RNF216: variants seen among roughly 807,000 people sequenced by gnomAD.
The protein encoded by RNF216 is ring finger protein 216.
RNF216 carries 72 observed loss-of-function variants against 110.8 expected under a neutral mutation model. The observed-to-expected ratio is 0.65, with a 90% CI of 0.54 to 0.79. The LOEUF (loss-of-function observed/expected upper bound fraction) is 0.79, where lower values mean the gene tolerates loss of function less well. RNF216 is among the 30% of genes least tolerant of loss of function. The pLI is 0.00. For missense variants in RNF216, 1,342 were observed against 1,141.2 expected (o/e 1.18, Z -2.54); for synonymous variants, 495 against 407.5 (o/e 1.21, Z -2.59).
intron 13 of RNF216, among the ~76,000 whole-genome samples, chr7:5,657,249 GCTCT>G (rs900555630): frequency 3.3e-5 from 5 of 152,228 alleles, no homozygotes; most frequent in African/African-American, 7.2e-5. Context: ...AGAAATTTCA[GCTCT>G]CTGTTCTGTC....
chr7:5,669,009 G>C (rs898505866), intron 13 of RNF216, among the ~76,000 whole-genome samples: 11 of 152,232 alleles, frequency 7.2e-5, no homozygotes, highest in Non-Finnish European at 5.9e-5. Flanking sequence ...AGGAGCATAA[G>C]TGATTTTTAG....
rs1369460975 is a variant in RNF216, at chr7:5,740,981, T to A, written c.1036A>T (p.Lys346Ter). ...GATAAAATAAAACTTACCGTTTCTT[T>A]CACTAGTAGTTCAACGAGCTCTTGA... Reference protein sequence around the residue: ...VDQELVELLVKETEARFPDVA... With the variant: ...VDQELVELLV The change falls in exon 4 of 17, where the codon AAA becomes TAA. Residue 346 changes from lysine (K) to a stop codon, truncating the protein, a stop_gained. Transcript: ENST00000389902. LOFTEE classifies it high-confidence loss of function. 6.3e-7 allele frequency: 1 copy of A among 1,595,044 alleles called. No individual in the cohort carries two copies. Among genetic ancestry groups the A allele is most frequent in the Non-Finnish European group, 8.5e-7 (1 of 1,173,566 alleles).
rs1490562898 is a variant in RNF216 at position 5,716,856 on chromosome 7, G to A, written c.1645-90C>T. ...ATTTATTTCCATAAACATAACTCCAGTATTGCGATCTCTTCAATTACACAG... is the reference window on the plus strand; with the variant it reads ...ATTTATTTCCATAAACATAACTCCAATATTGCGATCTCTTCAATTACACAG... On this transcript the variant is annotated intron_variant, in intron 9 of 16. Transcript: ENST00000389902. 4 of 997,300 alleles carry A rather than the reference G, an allele frequency of 4.0e-6. No homozygotes were observed. In the African/African-American group the frequency reaches 6.4e-5, roughly 16 times the overall value. The allele number at this position is 997,300 out of a possible 1,614,324, so 61.8% of individuals were successfully genotyped here. A position where few individuals can be genotyped will look rare whatever the true frequency, so the allele number is the denominator to read the frequency against.
Position 5,624,792 on chromosome 7 carries a change from T to C in RNF216, c.2383-667A>G, listed in dbSNP as rs1031617547. ...ACACGAACCGAAGAGGCACTGTGAG[T>C]GCAGGCAGATGTGGGAGCTGTGCTG... is the stretch of plus-strand genomic sequence containing the variant. On this transcript the variant is annotated intron_variant, in intron 15 of 16. Coordinates refer to ENST00000389902, the MANE Select transcript of RNF216 (RefSeq NM_207111.4). The surrounding 1 kb of genome is among the most constrained non-coding windows in gnomAD (Gnocchi z 4.4). Among the ~76,000 whole-genome samples, 2 of 152,184 alleles carry C rather than the reference T, an allele frequency of 1.3e-5. No individual in the cohort carries two copies. Among genetic ancestry groups the C allele is most frequent in the African/African-American group, 2.4e-5 (1 of 41,444 alleles).
intron 9 of RNF216, among the ~76,000 whole-genome samples, chr7:5,720,742 A>G (rs1793368340): frequency 6.6e-6 from 1 of 152,218 alleles, no homozygotes; most frequent in Non-Finnish European, 1.5e-5. Context: ...TGCACATTTG[A>G]TACTATATTT....
chr7:5,658,649 T>C (rs1265038168), intron 13 of RNF216, among the ~76,000 whole-genome samples: 1 of 134,606 alleles, frequency 7.4e-6, no homozygotes, highest in Non-Finnish European at 1.6e-5. Flanking sequence ...AGAGAGAGAC[T>C]GTCTCAAAAA....
intron 11 of RNF216, among the ~76,000 whole-genome samples, chr7:5,714,066 G>C (rs1329698644): frequency 1.3e-5 from 2 of 152,120 alleles, no homozygotes; most frequent in African/African-American, 4.8e-5. Context: ...GCAGTGGTGC[G>C]ATCTCAGCTC....
At chr7:5,686,789 G>T (rs779106045) in intron 13 of RNF216, among the ~76,000 whole-genome samples, 2 of 152,194 alleles carry the variant, frequency 1.3e-5, no homozygotes, top group Non-Finnish European at 2.9e-5. Flanking sequence ...TTTTTCCACG[G>T]ACAGGGCGTG....
At chr7:5,770,824 C>G (rs1280185817) in intron 1 of RNF216, among the ~76,000 whole-genome samples, 1 of 151,586 alleles carries the variant, frequency 6.6e-6, no homozygotes, top group Non-Finnish European at 1.5e-5. Flanking sequence ...TTCTTTCCCC[C>G]CGAAACAGTG....
In RNF216 at chr7:5,624,378, T is replaced by C. The variant is rs1326542234; in HGVS notation, c.2383-253A>G. On this transcript the variant is annotated intron_variant, in intron 15 of 16. Transcript: ENST00000389902. This position sits in a 1 kb window ranked among gnomAD's most constrained non-coding sequence, Gnocchi z 4.4. ...GAGGGGTCTGAGCATGGCAGGCAGC[T>C]GCCTGGTGAGGTGGGGGGATGGAGG... Among the ~76,000 whole-genome samples, 1 of 152,210 alleles carries C rather than the reference T, an allele frequency of 6.6e-6. No homozygotes were observed. The highest frequency in any genetic ancestry group is 6.5e-5 in the Admixed American group (1 of 15,278).
At chr7:5,650,482 G>A (rs1330338450) in intron 14 of RNF216, among the ~76,000 whole-genome samples, 1 of 152,154 alleles carries the variant, frequency 6.6e-6, no homozygotes, top group Non-Finnish European at 1.5e-5. Flanking sequence ...TCACAGGGCT[G>A]CATTCCCTCC....
chr7:5,766,491 C>G (rs959242734), intron 1 of RNF216, among the ~76,000 whole-genome samples: 8 of 151,844 alleles, frequency 5.3e-5, no homozygotes, highest in African/African-American at 1.7e-4. Flanking sequence ...GCTGGGCACT[C>G]TGAGAAGAAG....
intron 13 of RNF216, among the ~76,000 whole-genome samples, chr7:5,702,636 G>A (rs993077929): frequency 1.3e-5 from 2 of 152,156 alleles, no homozygotes; most frequent in African/African-American, 4.8e-5. Context: ...TTCAATAGCA[G>A]GTAAGGGAAG....
At chr7:5,704,068 AG>A (rs1792135649) in intron 13 of RNF216, among the ~76,000 whole-genome samples, 1 of 152,202 alleles carries the variant, frequency 6.6e-6, no homozygotes, top group Admixed American at 6.5e-5. Flanking sequence ...AGAACACACA[AG>A]GGAGCTGAGA....
intron 15 of RNF216, among the ~76,000 whole-genome samples, chr7:5,630,566 G>C (rs1418956177): frequency 1.3e-5 from 2 of 152,058 alleles, no homozygotes; most frequent in Non-Finnish European, 2.9e-5. Flanking sequence ...TTCTTATAGA[G>C]ATGGTGGTGG....
chr7:5,775,667 C>A (rs934736386), intron 1 of RNF216, among the ~76,000 whole-genome samples: 4 of 151,962 alleles, frequency 2.6e-5, no homozygotes, highest in African/African-American at 9.7e-5. Context: ...GTCAGGAGTT[C>A]AAGACCAGCC....
At chr7:5,765,128 A>ACT (rs1796136205) in intron 1 of RNF216, among the ~76,000 whole-genome samples, 2 of 151,788 alleles carry the variant, frequency 1.3e-5, no homozygotes, top group Non-Finnish European at 2.9e-5. Context: ...AAAGACTAAG[A>ACT]GAGTTTACCT....
chr7:5,771,394 T>G (rs371333445), intron 1 of RNF216, among the ~76,000 whole-genome samples: 2 of 152,172 alleles, frequency 1.3e-5, no homozygotes, highest in South Asian at 4.2e-4. Flanking sequence ...AAGAAAAAAC[T>G]GAAACACTAT....
intron 13 of RNF216, among the ~76,000 whole-genome samples, chr7:5,660,852 G>C (rs942374777): frequency 2.6e-5 from 4 of 151,352 alleles, no homozygotes; most frequent in African/African-American, 9.7e-5. Context: ...TTACTGATGT[G>C]AGCCACCATG....
Sources: allele counts gnomAD v4.1 joint callset (sites outside exome capture counted in the v4.1 genomes callset), GRCh38; gene constraint gnomAD v4.1.1; non-coding constraint Gnocchi (gnomAD v3.1); transcripts MANE v1.5; gene names NCBI Gene and HGNC (gene_info 2026-07-23, HGNC 2026-07-21).